The following RANBP17 variants were observed in gnomAD, a reference collection of about 807,000 sequenced individuals.
RANBP17 encodes RAN binding protein 17.
A neutral mutation model predicts 141.2 loss-of-function variants in RANBP17; 158 were observed. The ratio of observed to expected loss-of-function variants is 1.12; its 90% CI spans 0.98 to 1.28. The LOEUF (loss-of-function observed/expected upper bound fraction) is 1.28, where lower values mean the gene tolerates loss of function less well. Ranked by LOEUF, RANBP17 falls within the 50% of genes most tolerant of loss-of-function variation. The pLI is 0.00. For missense variants in RANBP17, 1,438 were observed against 1,290.7 expected (o/e 1.11, Z -1.75); for synonymous variants, 430 against 450.0 (o/e 0.96, Z 0.56).
intron 14 of RANBP17, among the ~76,000 whole-genome samples, chr5:171,126,333 G>A (rs1050299562): frequency 3.3e-5 from 5 of 152,064 alleles, no homozygotes; most frequent in Non-Finnish European, 7.4e-5. Context: ...GTCTGAGAAG[G>A]AATTTTATAG....
chr5:171,119,086 T>A (rs574061241), intron 14 of RANBP17, among the ~76,000 whole-genome samples: 1 of 152,204 alleles, frequency 6.6e-6, no homozygotes, highest in African/African-American at 2.4e-5. Context: ...TGTGTTAAGG[T>A]AGTTTCCTTC....
At chr5:170,932,815 A>G (rs1226160892) in intron 12 of RANBP17, among the ~76,000 whole-genome samples, 1 of 152,080 alleles carries the variant, frequency 6.6e-6, no homozygotes, top group Non-Finnish European at 1.5e-5. Context: ...GTTTGCCAGT[A>G]TTTTATTGAG....
chr5:170,962,947 C>A (rs1016667318), intron 13 of RANBP17, among the ~76,000 whole-genome samples: 1 of 151,966 alleles, frequency 6.6e-6, no homozygotes. Context: ...CGTTTTGTTT[C>A]GAGAAGTCAT....
chr5:171,060,391 A>C (rs1783731219), intron 14 of RANBP17, among the ~76,000 whole-genome samples: 1 of 152,006 alleles, frequency 6.6e-6, no homozygotes, highest in Non-Finnish European at 1.5e-5. Flanking sequence ...GAATTTTGTC[A>C]AAGGCCTTTT....
At chr5:171,231,100 C>CTT (rs367751794) in intron 22 of RANBP17, among the ~76,000 whole-genome samples, 13,339 of 119,880 alleles carry the variant, frequency 0.11, 955 homozygotes, top group East Asian at 0.16. Context: ...CCATGCCTGG[C>CTT]TTTTTTTTTT....
intron 14 of RANBP17, among the ~76,000 whole-genome samples, chr5:171,015,262 T>C (rs1298525257): frequency 6.6e-6 from 1 of 152,094 alleles, no homozygotes; most frequent in Non-Finnish European, 1.5e-5. Context: ...TCCTCCCCCT[T>C]CACTTTCTTG....
intron 12 of RANBP17, among the ~76,000 whole-genome samples, chr5:170,946,081 C>G (rs1051223920): frequency 3.9e-5 from 6 of 152,076 alleles, no homozygotes; most frequent in Non-Finnish European, 5.9e-5. Context: ...TTTGGAAATT[C>G]ATTGCCTAGA....
intron 1 of RANBP17, among the ~76,000 whole-genome samples, chr5:170,871,378 T>G (rs1385115449): frequency 1.3e-5 from 2 of 152,156 alleles, no homozygotes; most frequent in African/African-American, 4.8e-5. Context: ...ATGGGGTTGT[T>G]TTTTTCTTTA....
At chr5:171,290,367 CAAAAAAA>C (rs535661442) in intron 25 of RANBP17, among the ~76,000 whole-genome samples, 2 of 102,638 alleles carry the variant, frequency 1.9e-5, no homozygotes, top group Non-Finnish European at 4.1e-5. Context: ...GACTCCGTCT[CAAAAAAA>C]AAAAAAAGAA....
intron 14 of RANBP17, among the ~76,000 whole-genome samples, chr5:170,973,955 A>T (rs1304602958): frequency 1.3e-5 from 2 of 152,168 alleles, no homozygotes; most frequent in Non-Finnish European, 2.9e-5. Context: ...TCTTAATATC[A>T]TCATGCTGGG....
intron 24 of RANBP17, among the ~76,000 whole-genome samples, chr5:171,244,783 AT>A (rs1411982792): frequency 6.6e-6 from 1 of 151,736 alleles, no homozygotes; most frequent in African/African-American, 2.4e-5. Flanking sequence ...AATATTTTCC[AT>A]TTTCCCCTCA....
At chr5:171,118,274 TA>T (rs1755785063) in intron 14 of RANBP17, among the ~76,000 whole-genome samples, 1 of 152,208 alleles carries the variant, frequency 6.6e-6, no homozygotes. Context: ...TGTATGCCAG[TA>T]CCATACCGTT....
At chr5:171,029,081 T>C (rs1781396547) in intron 14 of RANBP17, 2 of 379,650 alleles carry the variant, frequency 5.3e-6, no homozygotes, top group South Asian at 8.2e-5. Context: ...CAGTCAGCCT[T>C]AGTTTTTTAA....
chr5:170,977,050 G>T (rs750791086), intron 14 of RANBP17, among the ~76,000 whole-genome samples: 2 of 152,020 alleles, frequency 1.3e-5, no homozygotes, highest in African/African-American at 2.4e-5. Flanking sequence ...GAAATTGAAA[G>T]CGCAACCTAC....
At chr5:170,965,408 T>C (rs1407176096) in intron 13 of RANBP17, among the ~76,000 whole-genome samples, 1 of 152,152 alleles carries the variant, frequency 6.6e-6, no homozygotes, top group Non-Finnish European at 1.5e-5. Flanking sequence ...TTTAATTAGA[T>C]CCCATTTGTC....
At chr5:170,911,671 C>T (rs955631656) in intron 7 of RANBP17, among the ~76,000 whole-genome samples, 1 of 151,702 alleles carries the variant, frequency 6.6e-6, no homozygotes, top group Non-Finnish European at 1.5e-5. Flanking sequence ...TATGAAGGGT[C>T]ATCATGAGAA....
At position 171,239,809 on chromosome 5, in the gene RANBP17, G is replaced by A. The variant is rs545125603; in HGVS notation, c.2423-1119G>A. 7.9e-5 allele frequency among the ~76,000 whole-genome samples: 12 copies of A among 152,298 alleles called. No individual in the cohort carries two copies. The South Asian group carries it at 2.3e-3, about 29-fold the overall frequency. On this transcript the variant is annotated intron_variant, in intron 22 of 27. Transcript: ENST00000523189. ...GAGATATTGGTCAGCAGGGCTGGTA[G>A]TTCTAGACACAAACAGGACAAGGAA...
At chr5:171,230,783 A>G (rs1764161209) in intron 22 of RANBP17, among the ~76,000 whole-genome samples, 1 of 152,080 alleles carries the variant, frequency 6.6e-6, no homozygotes, top group South Asian at 2.1e-4. Context: ...ATATATTACA[A>G]CTTTATCCTT....
chr5:170,867,086 C>T (rs2127306005), intron 1 of RANBP17: 1 of 152,262 alleles, frequency 6.6e-6, no homozygotes, highest in African/African-American at 2.4e-5. Context: ...TGTAGTGGGA[C>T]CATGCCCTTG....
Sources: gnomAD v4.1 joint callset for allele counts (sites outside exome capture counted in the v4.1 genomes callset) on GRCh38, gnomAD v4.1.1 for gene constraint, MANE v1.5 for transcripts, NCBI Gene and HGNC (gene_info 2026-07-23, HGNC 2026-07-21) for gene names.